DLG2: variants seen among roughly 807,000 people sequenced by gnomAD.
DLG2 encodes the protein discs large MAGUK scaffold protein 2.
In DLG2, 45 loss-of-function variants were observed where a neutral mutation model predicts 132.5. The ratio of observed to expected loss-of-function variants is 0.34; its 90% CI spans 0.27 to 0.44. The LOEUF (loss-of-function observed/expected upper bound fraction) is 0.44, where lower values mean the gene tolerates loss of function less well. DLG2 is among the 20% of genes least tolerant of loss of function. DLG2 has a pLI of 1.00. For synonymous variants in DLG2, 424 were observed against 419.6 expected (o/e 1.01, Z -0.13); for missense variants, 1,045 against 1,196.9 (o/e 0.87, Z 1.87).
chr11:84,746,367 T>C (rs1456985358), intron 6 of DLG2, among the ~76,000 whole-genome samples: 1 of 152,074 alleles, frequency 6.6e-6, no homozygotes, highest in Admixed American at 6.6e-5. Flanking sequence ...TAATATGCTG[T>C]ATTATTTTAC....
chr11:84,844,129 G>GTATATATATATATGTT (rs1566125279), intron 6 of DLG2, among the ~76,000 whole-genome samples: 1 of 25,910 alleles, frequency 3.9e-5, no homozygotes, highest in African/African-American at 1.1e-4. Context: ...GTGTGTGTGT[G>GTATATATATATATGTT]TGTGTGTATA....
intron 15 of DLG2, among the ~76,000 whole-genome samples, chr11:83,886,973 C>T (rs1403938409): frequency 6.6e-6 from 1 of 151,884 alleles, no homozygotes; most frequent in Non-Finnish European, 1.5e-5. Context: ...ATTTATAGCA[C>T]TAAATGCCCA....
intron 6 of DLG2, among the ~76,000 whole-genome samples, chr11:84,876,309 G>A (rs1340190310): frequency 6.6e-6 from 1 of 152,144 alleles, no homozygotes; most frequent in Non-Finnish European, 1.5e-5. Context: ...GAATCCATCT[G>A]GTCCTAGACT....
intron 6 of DLG2, among the ~76,000 whole-genome samples, chr11:84,575,589 G>C (rs751097235): frequency 6.6e-6 from 1 of 152,148 alleles, no homozygotes; most frequent in Non-Finnish European, 1.5e-5. Context: ...TGGGGTACAT[G>C]TGATATTTTT....
chr11:84,564,507 G>A (rs1417619678), intron 6 of DLG2, among the ~76,000 whole-genome samples: 1 of 152,112 alleles, frequency 6.6e-6, no homozygotes, highest in Non-Finnish European at 1.5e-5. Context: ...GAATAAGAAA[G>A]ATAACTCTTG....
intron 6 of DLG2, among the ~76,000 whole-genome samples, chr11:84,565,919 C>G (rs1482006425): frequency 6.6e-6 from 1 of 151,172 alleles, no homozygotes; most frequent in Non-Finnish European, 1.5e-5. Context: ...TTATTGACAC[C>G]AACATAACTA....
intron 3 of DLG2, among the ~76,000 whole-genome samples, chr11:85,529,983 G>A (rs988506589): frequency 7.7e-6 from 1 of 130,644 alleles, no homozygotes; most frequent in African/African-American, 2.8e-5. Flanking sequence ...CCTAGAGAGG[G>A]TTTGTTTTTT....
chr11:85,422,994 T>A (rs2090438202), intron 3 of DLG2, among the ~76,000 whole-genome samples: 1 of 152,138 alleles, frequency 6.6e-6, no homozygotes, highest in Non-Finnish European at 1.5e-5. Context: ...CTAGTGTGAT[T>A]TCTTGGAGGT....
intron 18 of DLG2, among the ~76,000 whole-genome samples, chr11:83,673,501 C>T (rs2077177163): frequency 6.6e-6 from 1 of 152,144 alleles, no homozygotes; most frequent in South Asian, 2.1e-4. Flanking sequence ...GCAAGCAAGA[C>T]AATAATGCAT....
intron 3 of DLG2, among the ~76,000 whole-genome samples, chr11:85,525,511 C>T (rs976551240): frequency 2.6e-5 from 4 of 152,100 alleles, no homozygotes; most frequent in Non-Finnish European, 2.9e-5. Context: ...AACAGAAAAT[C>T]CTGACAACTT....
chr11:84,331,509 T>C (rs529148358), intron 7 of DLG2, among the ~76,000 whole-genome samples: 1 of 148,716 alleles, frequency 6.7e-6, no homozygotes, highest in African/African-American at 2.5e-5. Context: ...ACCTTTCTTT[T>C]GGTGATGTAA....
At chr11:83,604,023 G>T (rs2058964523) in intron 19 of DLG2, among the ~76,000 whole-genome samples, 1 of 152,118 alleles carries the variant, frequency 6.6e-6, no homozygotes, top group Non-Finnish European at 1.5e-5. Flanking sequence ...AATATAGATA[G>T]ATTTCAAAAT....
At chr11:84,159,910 A>C (rs2095509273) in intron 9 of DLG2, among the ~76,000 whole-genome samples, 1 of 152,152 alleles carries the variant, frequency 6.6e-6, no homozygotes, top group South Asian at 2.1e-4. Context: ...ATTGAGCAAG[A>C]CTTTTAGATT....
chr11:83,460,999 GTTTTTT>G (rs10591072), intron 27 of DLG2, among the ~76,000 whole-genome samples: 2,292 of 107,056 alleles, frequency 0.021, 40 homozygotes, highest in African/African-American at 0.077. Context: ...AAGTTCTTGG[GTTTTTT>G]TTTTTTTTTT....
chr11:85,472,153 G>C (rs1223004714), intron 3 of DLG2, among the ~76,000 whole-genome samples: 1 of 152,152 alleles, frequency 6.6e-6, no homozygotes, highest in Non-Finnish European at 1.5e-5. Flanking sequence ...CCAATCAAGT[G>C]ATGCTTTTTC....
At chr11:84,952,828 A>G (rs17207058) in intron 6 of DLG2, among the ~76,000 whole-genome samples, 23,486 of 152,226 alleles carry the variant, frequency 0.15, 1,939 homozygotes, top group South Asian at 0.26. Context: ...CCCAATACCA[A>G]TTCAGACCTA....
intron 5 of DLG2, among the ~76,000 whole-genome samples, chr11:85,126,471 C>T (rs1381816016): frequency 1.3e-5 from 2 of 152,168 alleles, no homozygotes; most frequent in Non-Finnish European, 2.9e-5. Context: ...ATATGTCTGA[C>T]ACTATTAAAT....
intron 7 of DLG2, among the ~76,000 whole-genome samples, chr11:84,254,797 A>G (rs894940002): frequency 1.3e-5 from 2 of 152,238 alleles, no homozygotes; most frequent in Admixed American, 1.3e-4. Context: ...TCTATGTTAT[A>G]TGGAAAGTTT....
chr11:85,536,693 C>T (rs1327345402), intron 3 of DLG2, among the ~76,000 whole-genome samples: 1 of 152,234 alleles, frequency 6.6e-6, no homozygotes, highest in African/African-American at 2.4e-5. Context: ...TGAGCGCAGG[C>T]TTGGCAAGCC....
Sources: allele counts gnomAD v4.1 joint callset (sites outside exome capture counted in the v4.1 genomes callset), GRCh38; gene constraint gnomAD v4.1.1; transcripts MANE v1.5; gene names NCBI Gene and HGNC (gene_info 2026-07-23, HGNC 2026-07-21).